Variants in SYT14 observed in about 807,000 individuals in gnomAD.
SYT14 encodes the protein synaptotagmin-14.
A neutral mutation model predicts 74.2 loss-of-function variants in SYT14; 32 were observed. The observed-to-expected ratio is 0.43, with a 90% CI of 0.33 to 0.58. The LOEUF (loss-of-function observed/expected upper bound fraction) is 0.58, where lower values mean the gene tolerates loss of function less well. Ranked by LOEUF, SYT14 falls within the 20% of genes least tolerant of loss-of-function variation. The pLI is 0.05. For synonymous variants in SYT14, 298 were observed against 337.7 expected, an observed-to-expected ratio of 0.88 and a Z score of 1.29; for missense variants, 791 against 981.8, an observed-to-expected ratio of 0.81 and a Z score of 2.60.
At position 210,098,231 on chromosome 1, in the gene SYT14, G is replaced by A. The variant is rs925284081; in HGVS notation, c.1585-1781G>A. 2.0e-5 allele frequency among the ~76,000 whole-genome samples: 3 copies of A among 151,314 alleles called. No individual in the cohort carries two copies. In the South Asian group the frequency reaches 6.2e-4, roughly 31 times the overall value. ...TTTTTGGTTCTCTCTGCAGAAAGAAGCACTCTCCCGACCTAAAATAGGGGT... is the reference window on the plus strand; with the variant it reads ...TTTTTGGTTCTCTCTGCAGAAAGAAACACTCTCCCGACCTAAAATAGGGGT... On this transcript the variant is annotated intron_variant, in intron 6 of 9. Coordinates refer to ENST00000637265, the Ensembl canonical transcript of SYT14.
rs151312048 is a variant in SYT14, at chr1:210,159,893, A to G, written c.2281+416A>G. On this transcript the variant is annotated intron_variant, in intron 9 of 9. Transcript: ENST00000637265. ...TATAAAGAAAGGATTTGTCTCCCAAATAATCAGGCAATGAACTGTTATGTT... is the reference window on the plus strand; with the variant it reads ...TATAAAGAAAGGATTTGTCTCCCAAGTAATCAGGCAATGAACTGTTATGTT... Among the ~76,000 whole-genome samples, 44 of 152,318 alleles carry G rather than the reference A, an allele frequency of 2.9e-4. 1 individual carries two copies. The highest frequency in any genetic ancestry group is 2.9e-3 in the Admixed American group (44 of 15,292).
At chr1:210,066,186 T>C (rs2081292638) in intron 5 of SYT14, among the ~76,000 whole-genome samples, 1 of 152,130 alleles carries the variant, frequency 6.6e-6, no homozygotes, top group African/African-American at 2.4e-5. Flanking sequence ...GCAATAAATA[T>C]ACCTGTGCAT....
intron 7 of SYT14, among the ~76,000 whole-genome samples, chr1:210,146,620 AT>A (rs1036546123): frequency 1.3e-4 from 20 of 151,718 alleles, no homozygotes; most frequent in African/African-American, 4.8e-4. Context: ...GGTTTTTGAA[AT>A]TTTCAGAAAT....
At chr1:210,094,538 A>G (rs753043596) in exon 6 of SYT14, 4 of 1,611,608 alleles carry the variant, frequency 2.5e-6, no homozygotes, top group Admixed American at 1.7e-5. Context: ...AGTTTTCATA[A>G]TAAAGGATAT....
intron 5 of SYT14, among the ~76,000 whole-genome samples, chr1:210,038,170 C>T (rs2080710389): frequency 6.6e-6 from 1 of 151,706 alleles, no homozygotes; most frequent in African/African-American, 2.4e-5. Flanking sequence ...TGTATAATGC[C>T]CTTCTTTGTC....
At chr1:210,020,893 A>G in intron 4 of SYT14, 146 bp from the exon 4 acceptor site, 1 of 666,956 alleles carries the variant, frequency 1.5e-6, no homozygotes, top group Non-Finnish European at 2.7e-6. Flanking sequence ...GCATATATGT[A>G]TATGTGTGTG....
intron 7 of SYT14, among the ~76,000 whole-genome samples, chr1:210,141,046 CAA>C (rs36006017): frequency 0.18 from 17,448 of 97,036 alleles, 3,252 homozygotes; most frequent in African/African-American, 0.47. Context: ...TTTGTTTCTG[CAA>C]AAAAAAAAAA....
exon 4 of SYT14, chr1:210,016,559 A>G: frequency 3.2e-6 from 4 of 1,232,008 alleles, no homozygotes; most frequent in Non-Finnish European, 4.0e-6. Context: ...CAATAATGGT[A>G]AGAATGATTT....
At chr1:210,134,382 C>T (rs912900981) in intron 7 of SYT14, among the ~76,000 whole-genome samples, 3 of 152,136 alleles carry the variant, frequency 2.0e-5, no homozygotes, top group Admixed American at 6.5e-5. Flanking sequence ...GCTGGGATTA[C>T]AGGTGTGAGC....
Position 210,126,138 on chromosome 1 carries a change from G to A in SYT14, c.2034+25677G>A, listed in dbSNP as rs1282406774. On this transcript the variant is annotated intron_variant, in intron 7 of 9. Coordinates refer to ENST00000637265, the Ensembl canonical transcript of SYT14. The stretch of plus-strand genomic sequence containing the variant: ...GAATTGCTTGAACCAAGGAGTCAGA[G>A]GCCACTGTGAGCTGAGATCACCCCA... Among the ~76,000 whole-genome samples the A allele has an allele frequency of 4.6e-5, 7 of 152,122 alleles. No homozygotes were observed. In the East Asian group the frequency reaches 1.2e-3, roughly 25 times the overall value.
chr1:210,094,097 CTT>C (rs1030394311), intron 5 of SYT14, among the ~76,000 whole-genome samples: 4 of 152,216 alleles, frequency 2.6e-5, no homozygotes, highest in Admixed American at 2.0e-4. Flanking sequence ...TCGTATATGA[CTT>C]TTATTTTTCC....
At chr1:210,003,366 C>T (rs1453391939) in intron 2 of SYT14, among the ~76,000 whole-genome samples, 1 of 152,090 alleles carries the variant, frequency 6.6e-6, no homozygotes, top group Admixed American at 6.6e-5. Context: ...TCTGTGCCTG[C>T]CAAGAAACCT....
intron 2 of SYT14, among the ~76,000 whole-genome samples, chr1:210,000,229 A>G (rs2079869723): frequency 6.6e-6 from 1 of 152,144 alleles, no homozygotes; most frequent in South Asian, 2.1e-4. Context: ...AGTCCAGACA[A>G]TTGAATCCTG....
At chr1:210,125,927 A>G (rs948950262) in intron 7 of SYT14, among the ~76,000 whole-genome samples, 8 of 152,196 alleles carry the variant, frequency 5.3e-5, no homozygotes, top group Non-Finnish European at 7.3e-5. Context: ...ACGTCCAGCC[A>G]GGCACGGTGG....
intron 5 of SYT14, among the ~76,000 whole-genome samples, chr1:210,030,499 T>C (rs944927214): frequency 1.3e-5 from 2 of 152,166 alleles, no homozygotes; most frequent in Non-Finnish European, 2.9e-5. Context: ...GTGGAATCTT[T>C]AGGATTTTCT....
chr1:210,114,818 G>T (rs2082327239), intron 7 of SYT14, among the ~76,000 whole-genome samples: 1 of 151,036 alleles, frequency 6.6e-6, no homozygotes, highest in African/African-American at 2.5e-5. Flanking sequence ...AAGGATTATA[G>T]GGTGGGGGAG....
intron 2 of SYT14, among the ~76,000 whole-genome samples, chr1:209,995,458 A>G (rs947620514): frequency 3.3e-5 from 5 of 152,222 alleles, no homozygotes; most frequent in African/African-American, 1.2e-4. Context: ...CATAGACACC[A>G]AACATTGGAG....
At position 210,028,474 on chromosome 1, in the gene SYT14, C is replaced by T. The variant is rs150851086; in HGVS notation, c.1312+7220C>T. On this transcript the variant is annotated intron_variant, in intron 5 of 9. Transcript: ENST00000637265. Reference sequence around the variant, plus strand: ...GGCAGCCACCATTCTACTTTTTGCCCCTGTGATTTTAACTACTCTAAGTAC... The same window carrying T: ...GGCAGCCACCATTCTACTTTTTGCCTCTGTGATTTTAACTACTCTAAGTAC... Among the ~76,000 whole-genome samples, 496 of 152,134 alleles carry T rather than the reference C, an allele frequency of 3.3e-3. 2 individuals carry two copies. The highest frequency in any genetic ancestry group is 5.1e-3 in the Non-Finnish European group (344 of 67,976).
intron 8 of SYT14, among the ~76,000 whole-genome samples, chr1:210,157,957 CT>C (rs1426190940): frequency 6.6e-6 from 1 of 152,110 alleles, no homozygotes; most frequent in African/African-American, 2.4e-5. Flanking sequence ...CTATCCCTGA[CT>C]TAAAAGTCTG....
Sources: allele counts gnomAD v4.1 joint callset (sites outside exome capture counted in the v4.1 genomes callset), GRCh38; gene constraint gnomAD v4.1.1; transcripts MANE v1.5; gene names NCBI Gene and HGNC (gene_info 2026-07-23, HGNC 2026-07-21).